The following NCOA2 variants were observed in gnomAD, a reference collection of about 807,000 sequenced individuals.
NCOA2 encodes nuclear receptor coactivator 2.
NCOA2 carries 21 observed loss-of-function variants against 145.1 expected under a neutral mutation model. The ratio of observed to expected loss-of-function variants is 0.14; its 90% CI spans 0.10 to 0.21. The LOEUF (loss-of-function observed/expected upper bound fraction) is 0.21. Ranked by LOEUF, NCOA2 falls within the 10% of genes least tolerant of loss-of-function variation. The pLI is 1.00. For missense variants in NCOA2, 1,472 were observed against 1,837.6 expected, an observed-to-expected ratio of 0.80 and a Z score of 3.64; for synonymous variants, 619 against 637.5, an observed-to-expected ratio of 0.97 and a Z score of 0.44.
At chr8:70,451,886 T>C in the NCOA2 span, among the ~76,000 whole-genome samples, 1 of 152,210 alleles carries the variant, frequency 6.6e-6, no homozygotes, top group Non-Finnish European at 1.5e-5. Context: ...GGTTAAAGTG[T>C]CTGTAATAGA....
the NCOA2 span, among the ~76,000 whole-genome samples, chr8:70,443,741 AC>A: frequency 6.6e-6 from 1 of 152,036 alleles, no homozygotes; most frequent in Non-Finnish European, 1.5e-5. Context: ...AATAAAAAAA[AC>A]TTTTTTTTTG....
intron 1 of NCOA2, among the ~76,000 whole-genome samples, chr8:70,359,302 A>C (rs1810008693): frequency 6.6e-6 from 1 of 152,232 alleles, no homozygotes; most frequent in African/African-American, 2.4e-5. Context: ...CAAAATAGCC[A>C]AAAGGTAGCA....
intron 12 of NCOA2, among the ~76,000 whole-genome samples, chr8:70,145,449 C>T (rs1030000723): frequency 6.6e-6 from 1 of 152,010 alleles, no homozygotes; most frequent in African/African-American, 2.4e-5. Flanking sequence ...CTCAGCCTCC[C>T]GAGTAGCTGG....
chr8:70,239,080 A>G (rs571764472), intron 2 of NCOA2, among the ~76,000 whole-genome samples: 2 of 152,056 alleles, frequency 1.3e-5, no homozygotes, highest in East Asian at 3.9e-4. Context: ...GCCTTTTCCT[A>G]CTGAATCCTA....
At chr8:70,266,860 T>C (rs923067325) in intron 2 of NCOA2, among the ~76,000 whole-genome samples, 1 of 152,208 alleles carries the variant, frequency 6.6e-6, no homozygotes, top group African/African-American at 2.4e-5. Context: ...GCTCTTTTTG[T>C]TAATGTATAT....
At chr8:70,368,066 C>CT (rs1178795662) in intron 1 of NCOA2, among the ~76,000 whole-genome samples, 1 of 152,178 alleles carries the variant, frequency 6.6e-6, no homozygotes, top group Non-Finnish European at 1.5e-5. Flanking sequence ...AGAGAAATAA[C>CT]TTAAGAGTTT....
rs753017653 is a variant in NCOA2, at chr8:70,166,758, A to C, written c.542-4T>G. The C allele has an allele frequency of 6.2e-7, 1 of 1,611,952 alleles. No individual in the cohort carries two copies. The highest frequency in any genetic ancestry group is 2.2e-5 in the East Asian group (1 of 44,858). On this transcript the variant is annotated splice_polypyrimidine_tract_variant and splice_region_variant and intron_variant, in intron 6 of 22. Coordinates refer to ENST00000452400, the MANE Select transcript of NCOA2 (RefSeq NM_006540.4). Reference sequence around the variant, plus strand: ...CCAGACCAAGATCCCCCATTTACTGAGCAAGGCAAAAGTAATCCAGTTTTA... The same window carrying C: ...CCAGACCAAGATCCCCCATTTACTGCGCAAGGCAAAAGTAATCCAGTTTTA...
At chr8:70,254,690 G>A (rs1586267364) in intron 2 of NCOA2, among the ~76,000 whole-genome samples, 4 of 151,928 alleles carry the variant, frequency 2.6e-5, no homozygotes, top group South Asian at 2.1e-4. Flanking sequence ...TACCAGGGGC[G>A]GGCGGGGGTG....
chr8:70,447,988 G>A, the NCOA2 span, among the ~76,000 whole-genome samples: 6 of 152,024 alleles, frequency 3.9e-5, no homozygotes, highest in East Asian at 5.8e-4. Context: ...CCTAGCCCCC[G>A]ATCTGTTAAT....
Position 70,159,243 on chromosome 8 carries a change from T to TATATATA in NCOA2, c.1124+261_1124+262insTATATAT, listed in dbSNP as rs869045939. On this transcript the variant is annotated intron_variant, in intron 10 of 22. Transcript: ENST00000452400. ...AACATTATATATATATATATATATA[T>TATATATA]TTTTTTTTTTTTCCCCCAAATATTT... 5.4e-3 allele frequency among the ~76,000 whole-genome samples: 447 copies of TATATATA among 82,042 alleles called. 10 individuals are homozygous for TATATATA. Among genetic ancestry groups the TATATATA allele is most frequent in the African/African-American group, 0.021 (430 of 20,096 alleles). The allele number at this position is 82,042 out of a possible 152,430, so 53.8% of individuals were successfully genotyped here.
chr8:70,145,177 GA>G, intron 12 of NCOA2, among the ~76,000 whole-genome samples: 1 of 151,998 alleles, frequency 6.6e-6, no homozygotes, highest in Admixed American at 6.5e-5. Context: ...TTTATTCTGA[GA>G]CAGAGTTTCG....
chr8:70,125,957 T>A (rs1300361469), intron 19 of NCOA2, among the ~76,000 whole-genome samples: 1 of 152,176 alleles, frequency 6.6e-6, no homozygotes, highest in Non-Finnish European at 1.5e-5. Context: ...AGAAGACTTG[T>A]AAAACATGCA....
chr8:70,211,419 AC>A (rs1178876944), intron 4 of NCOA2, among the ~76,000 whole-genome samples: 2 of 151,860 alleles, frequency 1.3e-5, no homozygotes, highest in African/African-American at 4.8e-5. Context: ...AGATCGCGCC[AC>A]TGCACTCCAG....
intron 2 of NCOA2, among the ~76,000 whole-genome samples, chr8:70,258,983 A>G (rs1214428020): frequency 6.6e-6 from 1 of 152,164 alleles, no homozygotes; most frequent in Non-Finnish European, 1.5e-5. Flanking sequence ...ATATTCCCCT[A>G]GCTGTATGGT....
At chr8:70,198,299 A>G (rs539580846) in intron 4 of NCOA2, among the ~76,000 whole-genome samples, 8 of 152,300 alleles carry the variant, frequency 5.3e-5, no homozygotes, top group Admixed American at 4.6e-4. Flanking sequence ...ATTTGATCTA[A>G]AAGTGGCACA....
chr8:70,399,289 C>T (rs2131774090), intron 1 of NCOA2, among the ~76,000 whole-genome samples: 1 of 152,232 alleles, frequency 6.6e-6, no homozygotes, highest in East Asian at 1.9e-4. Context: ...AACACAAACA[C>T]CTAGAACACA....
At chr8:70,307,805 C>T (rs750802086) in intron 1 of NCOA2, among the ~76,000 whole-genome samples, 23 of 152,152 alleles carry the variant, frequency 1.5e-4, no homozygotes, top group Non-Finnish European at 2.8e-4. Flanking sequence ...GCCAAATACG[C>T]TTGCATGGTA....
chr8:70,362,828 A>T (rs935081191), intron 1 of NCOA2, among the ~76,000 whole-genome samples: 1 of 152,170 alleles, frequency 6.6e-6, no homozygotes, highest in African/African-American at 2.4e-5. Flanking sequence ...CTGAAATCCC[A>T]GCACCTTGGG....
At chr8:70,393,137 C>T (rs1196987589) in intron 1 of NCOA2, among the ~76,000 whole-genome samples, 3 of 152,180 alleles carry the variant, frequency 2.0e-5, no homozygotes, top group Non-Finnish European at 4.4e-5. Flanking sequence ...CCCAGAAAGC[C>T]TTCCCTTGCC....
Sources: allele counts gnomAD v4.1 joint callset (sites outside exome capture counted in the v4.1 genomes callset), GRCh38; gene constraint gnomAD v4.1.1; transcripts MANE v1.5; gene names NCBI Gene and HGNC (gene_info 2026-07-23, HGNC 2026-07-21).